Variants in PSMA3 observed in about 807,000 individuals in gnomAD.
PSMA3 encodes proteasome subunit alpha type-3.
Under a neutral mutation model 40.0 loss-of-function variants are expected in PSMA3, and 8 were observed. The ratio of observed to expected loss-of-function variants is 0.20; its 90% confidence interval spans 0.12 to 0.36. The LOEUF (loss-of-function observed/expected upper bound fraction) is 0.36, where lower values mean the gene tolerates loss of function less well. Among genes scored for constraint, PSMA3 ranks in the 10% least tolerant of loss-of-function variants. The pLI, the probability that PSMA3 is intolerant of heterozygous loss-of-function variation, is 1.00. For synonymous variants in PSMA3, 110 were observed against 100.0 expected, an observed-to-expected ratio of 1.10 and a Z score of -0.59; for missense variants, 219 against 310.6, an observed-to-expected ratio of 0.70 and a Z score of 2.22.
Position 58,271,893 on chromosome 14 carries a change from T to A in PSMA3, c.766T>A (p.Ter256LysextTer20). The stretch of plus-strand genomic sequence containing the variant: ...AGATGAATCAGATGATGATAATATG[T>A]AACATTTACTCCAGCATCTATTGTA... ...EEDESDDDNM[*>K] Residue 256 changes from the stop codon to lysine, a stop_lost, in exon 11 of 11, where the codon TAA becomes AAA. Transcript: ENST00000216455. The A allele has an allele frequency of 6.3e-7, 1 of 1,579,964 alleles. No individual in the cohort carries two copies. Among genetic ancestry groups the A allele is most frequent in the Non-Finnish European group, 8.7e-7 (1 of 1,149,540 alleles).
intron 6 of PSMA3, 98 bp from the exon 7 acceptor site, chr14:58,263,607 T>C: frequency 1.1e-6 from 1 of 941,660 alleles, no homozygotes; most frequent in Non-Finnish European, 1.6e-6. Flanking sequence ...TTAAAAGTCA[T>C]TTAGCATCCT....
chr14:58,261,466 A>G (rs576708970), intron 6 of PSMA3, among the ~76,000 whole-genome samples: 35 of 152,314 alleles, frequency 2.3e-4, no homozygotes, highest in Non-Finnish European at 4.9e-4. Context: ...GGTGTGAGCC[A>G]CCAGGCCCAG....
intron 10 of PSMA3, 95 bp downstream of exon 10, chr14:58,271,093 C>A: frequency 2.8e-6 from 2 of 725,704 alleles, no homozygotes; most frequent in Non-Finnish European, 4.3e-6. Flanking sequence ...ACAGCAAGAC[C>A]CCCATCCCTA....
rs750856016 is a variant in PSMA3 at position 58,252,105 on chromosome 14, TCTC to T, written c.105-11_105-9del. On this transcript the variant is annotated splice_polypyrimidine_tract_variant and intron_variant, in intron 2 of 10. Coordinates refer to ENST00000216455, the MANE Select transcript of PSMA3 (RefSeq NM_002788.4). ...TTTTCAGTTAAAAAACTGATTTTCT[TCTC>T]CTTGTTTCAGTACAGCTATTGGAAT... 1.3e-4 allele frequency: 208 copies of T among 1,568,910 alleles called. No individual in the cohort carries two copies. The highest frequency in any genetic ancestry group is 4.8e-4 in the Admixed American group (22 of 45,732).
intron 3 of PSMA3, among the ~76,000 whole-genome samples, chr14:58,256,684 T>G (rs1890152468): frequency 6.6e-6 from 1 of 151,620 alleles, no homozygotes; most frequent in South Asian, 2.1e-4. Context: ...AGTGCTGGGA[T>G]TACAGGTGTG....
intron 5 of PSMA3, 144 bp downstream of exon 5, chr14:58,258,142 T>C (rs917383661): frequency 2.2e-5 from 14 of 633,006 alleles, no homozygotes; most frequent in South Asian, 1.2e-4. Flanking sequence ...ACAGTGTACA[T>C]AGAAACTACT....
chr14:58,262,292 C>G (rs1015629010), intron 6 of PSMA3, among the ~76,000 whole-genome samples: 1 of 152,048 alleles, frequency 6.6e-6, no homozygotes, highest in African/African-American at 2.4e-5. Flanking sequence ...CGCCAAACCT[C>G]CACCTCCCCA....
At chr14:58,269,217 C>A (rs1043514046) in intron 8 of PSMA3, among the ~76,000 whole-genome samples, 2 of 152,078 alleles carry the variant, frequency 1.3e-5, no homozygotes. Flanking sequence ...CAGATGTGAA[C>A]CACCGCACCT....
In PSMA3 at chr14:58,261,142, T is replaced by C. The variant is rs1718057883; in HGVS notation, c.477+122T>C. 4 of 159,242 alleles carry C rather than the reference T, an allele frequency of 2.5e-5. No homozygotes were observed. The South Asian group carries it at 5.1e-4, about 20-fold the overall frequency. 9.9% of individuals were successfully genotyped at this position (159,242 alleles called of 1,614,324 possible). ...ACTCATTCAAGGAAAGTAATTTTTC[T>C]TTTTTTTTTTTTTACAACAACCTCT... is the stretch of plus-strand genomic sequence containing the variant. On this transcript the variant is annotated intron_variant, in intron 6 of 10. Transcript: ENST00000216455.
In PSMA3 at chr14:58,263,769, A is replaced by C. The variant is rs751062753; in HGVS notation, c.542A>C (p.Gln181Pro). The change falls in exon 7 of 11, where the codon CAG (glutamine) becomes CCG (proline). Residue 181 changes from glutamine to proline, a missense_variant and splice_region_variant. Transcript: ENST00000216455. ...QAAKTEIEKL[Q>P]MKEMTCRDIV... is the part of the protein sequence containing the mutation. ...GCAAAGACGGAAATAGAGAAGCTTC[A>C]GGTAATAATTAATGCTTGAATTTTT... The C allele has an allele frequency of 6.2e-7, 1 of 1,613,508 alleles. No individual in the cohort carries two copies. Among genetic ancestry groups the C allele is most frequent in the East Asian group, 2.2e-5 (1 of 44,860 alleles).
chr14:58,260,843 G>GT (rs1167268296), intron 5 of PSMA3, 105 bp from the exon 6 acceptor site: 5 of 733,264 alleles, frequency 6.8e-6, no homozygotes, highest in Non-Finnish European at 1.1e-5. Flanking sequence ...ATGTGTATTA[G>GT]TAATTTATCT....
chr14:58,261,469 A>T (rs1314772579), intron 6 of PSMA3, among the ~76,000 whole-genome samples: 1 of 152,126 alleles, frequency 6.6e-6, no homozygotes, highest in African/African-American at 2.4e-5. Flanking sequence ...GTGAGCCACC[A>T]GGCCCAGCCA....
At chr14:58,251,207 A>G (rs1890003395) in intron 2 of PSMA3, among the ~76,000 whole-genome samples, 1 of 152,256 alleles carries the variant, frequency 6.6e-6, no homozygotes, top group South Asian at 2.1e-4. Flanking sequence ...ACCTTTATCA[A>G]AAAGGAATAG....
At chr14:58,271,632 C>T (rs1020627262) in intron 10 of PSMA3, among the ~76,000 whole-genome samples, 1 of 152,060 alleles carries the variant, frequency 6.6e-6, no homozygotes, top group African/African-American at 2.4e-5. Flanking sequence ...CTGCACCAGG[C>T]CTCTTAAGTA....
At position 58,252,313 on chromosome 14, in the gene PSMA3, C is replaced by G. The variant is rs1466898723; in HGVS notation, c.228+71C>G. The G allele has an allele frequency of 1.2e-5, 19 of 1,525,228 alleles. No homozygotes were observed. In the East Asian group the frequency reaches 4.4e-4, roughly 35 times the overall value. 94.5% of individuals were successfully genotyped at this position (1,525,228 alleles called of 1,614,324 possible). On this transcript the variant is annotated intron_variant, in intron 3 of 10. Coordinates refer to ENST00000216455, the MANE Select transcript of PSMA3 (RefSeq NM_002788.4). ...TTTGAAGTAACTGATTGGAATAGAT[C>G]ACTGTGCAGTCACAAAAGTAATCAG... is the stretch of plus-strand genomic sequence containing the variant.
intron 10 of PSMA3, among the ~76,000 whole-genome samples, chr14:58,271,264 A>C (rs1890613123): frequency 6.6e-6 from 1 of 151,552 alleles, no homozygotes; most frequent in Non-Finnish European, 1.5e-5. Flanking sequence ...CCAAAAAAAA[A>C]AAACTTGGGA....
chr14:58,251,045 G>A (rs947786129), intron 2 of PSMA3, among the ~76,000 whole-genome samples: 8 of 152,024 alleles, frequency 5.3e-5, no homozygotes, highest in African/African-American at 1.9e-4. Flanking sequence ...GATTACTTGA[G>A]CCTCAGACTT....
intron 2 of PSMA3, among the ~76,000 whole-genome samples, chr14:58,249,041 C>T (rs1889941339): frequency 6.6e-6 from 1 of 152,146 alleles, no homozygotes; most frequent in African/African-American, 2.4e-5. Context: ...TGTTGGCTCA[C>T]CGCAACCTCT....
chr14:58,254,722 A>C (rs1890104708), intron 3 of PSMA3, among the ~76,000 whole-genome samples: 1 of 152,070 alleles, frequency 6.6e-6, no homozygotes, highest in African/African-American at 2.4e-5. Context: ...TGATTTGAGA[A>C]TTATATGACT....
Sources: gnomAD v4.1 joint callset for allele counts (sites outside exome capture counted in the v4.1 genomes callset) on GRCh38, gnomAD v4.1.1 for gene constraint, MANE v1.5 for transcripts, NCBI Gene and HGNC (gene_info 2026-07-23, HGNC 2026-07-21) for gene names.